PTK2B: variants seen among roughly 807,000 people sequenced by gnomAD.
PTK2B encodes the protein protein tyrosine kinase 2 beta.
Under a neutral mutation model 142.9 loss-of-function variants are expected in PTK2B, and 71 were observed. The ratio of observed to expected loss-of-function variants is 0.50; its 90% CI spans 0.41 to 0.61. The LOEUF is 0.61. Among genes scored for constraint, PTK2B ranks in the 20% least tolerant of loss-of-function variants. The probability of loss-of-function intolerance (pLI) is 0.00; values close to 1 mark genes in which losing one functional copy is unlikely to be tolerated. For missense variants in PTK2B, 1,105 were observed against 1,320.4 expected (o/e 0.84, Z 2.53); for synonymous variants, 519 against 503.4 (o/e 1.03, Z -0.42).
chr8:27,333,016 C>A (rs909341908), intron 1 of PTK2B, among the ~76,000 whole-genome samples: 2 of 152,196 alleles, frequency 1.3e-5, no homozygotes, highest in African/African-American at 4.8e-5. Flanking sequence ...AAAAGAGGCA[C>A]GAAGTGCTAT....
At chr8:27,420,324 G>A (rs1011859952) in intron 3 of PTK2B, among the ~76,000 whole-genome samples, 2 of 152,018 alleles carry the variant, frequency 1.3e-5, no homozygotes, top group Non-Finnish European at 2.9e-5. Context: ...GACAGTGCTA[G>A]GGGAAAAGAG....
At chr8:27,366,730 A>G (rs757445129) in intron 1 of PTK2B, among the ~76,000 whole-genome samples, 22 of 152,172 alleles carry the variant, frequency 1.4e-4, no homozygotes, top group Admixed American at 2.6e-4. Context: ...TTCTGAGCAC[A>G]CACAACAGAG....
intron 24 of PTK2B, among the ~76,000 whole-genome samples, chr8:27,447,866 A>G (rs1469563419): frequency 6.6e-6 from 1 of 152,224 alleles, no homozygotes; most frequent in Non-Finnish European, 1.5e-5. Flanking sequence ...CTCAAAAATA[A>G]AAATAAATAA....
Position 27,374,784 on chromosome 8 carries a change from C to T in PTK2B, c.-37-22764C>T, listed in dbSNP as rs548927124. Among the ~76,000 whole-genome samples the T allele has an allele frequency of 2.6e-5, 4 of 152,304 alleles. No homozygotes were observed. In the East Asian group the frequency reaches 7.7e-4, roughly 29 times the overall value. Reference sequence around the variant, plus strand: ...GGGTCAGTGGGGCCCCATGTCAAAGCATCAAATGTAGAAACCAGAAAACGT... The same window carrying T: ...GGGTCAGTGGGGCCCCATGTCAAAGTATCAAATGTAGAAACCAGAAAACGT... On this transcript the variant is annotated intron_variant, in intron 1 of 30. Coordinates refer to ENST00000346049, the MANE Select transcript of PTK2B (RefSeq NM_173176.3).
At chr8:27,366,409 G>C (rs1028465352) in intron 1 of PTK2B, among the ~76,000 whole-genome samples, 4 of 152,226 alleles carry the variant, frequency 2.6e-5, no homozygotes, top group African/African-American at 9.6e-5. Flanking sequence ...GCGACATCCA[G>C]CTTCTAGATT....
At chr8:27,331,459 G>T (rs1036740514) in intron 1 of PTK2B, among the ~76,000 whole-genome samples, 7 of 103,602 alleles carry the variant, frequency 6.8e-5, no homozygotes, top group East Asian at 4.3e-4. Context: ...TCATTTTCTG[G>T]TTTTTTTTTT....
chr8:27,440,429 T>C lies in PTK2B; in HGVS notation c.2027T>C (p.Val676Ala), dbSNP rs1283760480. ...PSDRPRFTEL[V>A]CSLSDVYQME... ...GACCGGCCCCGCTTCACCGAGCTGG[T>C]GTGCAGCCTCAGGTGAGCATGGAGT... Residue 676 changes from valine to alanine, a missense_variant, in exon 21 of 31, where the codon GTG becomes GCG. Coordinates refer to ENST00000346049, the MANE Select transcript of PTK2B (RefSeq NM_173176.3). 1 of 1,613,642 alleles carries C rather than the reference T, an allele frequency of 6.2e-7. No individual in the cohort carries two copies. Among genetic ancestry groups the C allele is most frequent in the African/African-American group, 1.3e-5 (1 of 74,902 alleles).
At chr8:27,453,369 A>G (rs1009929070) in intron 28 of PTK2B, among the ~76,000 whole-genome samples, 3 of 152,082 alleles carry the variant, frequency 2.0e-5, no homozygotes, top group Non-Finnish European at 4.4e-5. Flanking sequence ...GGAAGAACCA[A>G]TCTCCCACTC....
intron 2 of PTK2B, among the ~76,000 whole-genome samples, chr8:27,312,858 C>G (rs909584154): frequency 6.6e-6 from 1 of 152,148 alleles, no homozygotes; most frequent in Non-Finnish European, 1.5e-5. Context: ...CATAAGAGCC[C>G]GATTCCAGAG....
At chr8:27,441,192 G>A (rs1432829342) in intron 21 of PTK2B, among the ~76,000 whole-genome samples, 2 of 152,140 alleles carry the variant, frequency 1.3e-5, no homozygotes, top group African/African-American at 2.4e-5. Flanking sequence ...ACAATACATC[G>A]ATGAATGGGT....
In PTK2B at chr8:27,445,006, T is replaced by G. The variant is rs138806061; in HGVS notation, c.2214+735T>G. 2.3e-3 allele frequency among the ~76,000 whole-genome samples: 354 copies of G among 152,058 alleles called. 1 individual carries two copies. The highest frequency in any genetic ancestry group is 8.1e-3 in the African/African-American group (336 of 41,434). On this transcript the variant is annotated intron_variant, in intron 23 of 30. Coordinates refer to ENST00000346049, the MANE Select transcript of PTK2B (RefSeq NM_173176.3). ...GACTAATAGATAAATCCTCTTCACG[T>G]GAAGAGAAAGCCTGATTCAGAAGAT... is the stretch of plus-strand genomic sequence containing the variant.
intron 1 of PTK2B, among the ~76,000 whole-genome samples, chr8:27,358,936 C>T (rs2130716348): frequency 6.6e-6 from 1 of 152,204 alleles, no homozygotes; most frequent in Admixed American, 6.5e-5. Context: ...ATCCTCCTTA[C>T]CAAATTGGAA....
chr8:27,454,049 A>G (rs947591389), intron 28 of PTK2B, 105 bp from the exon 29 acceptor site: 35 of 1,464,470 alleles, frequency 2.4e-5, no homozygotes, highest in African/African-American at 2.0e-4. Flanking sequence ...GTCCTTTCCA[A>G]TCGGGCTGGT....
intron 3 of PTK2B, among the ~76,000 whole-genome samples, chr8:27,320,286 C>A (rs899307691): frequency 3.7e-4 from 56 of 152,162 alleles, no homozygotes; most frequent in African/African-American, 1.4e-3. Context: ...AGACAAGGAC[C>A]CCGTCTTTAG....
chr8:27,440,495 G>C, intron 21 of PTK2B, 54 bp downstream of exon 21: 2 of 1,565,084 alleles, frequency 1.3e-6, no homozygotes, highest in South Asian at 1.1e-5. Flanking sequence ...GCACCAGGGA[G>C]CAAGACCAGC....
rs144425307 is a variant in PTK2B at position 27,411,671 on chromosome 8, G to T, written c.205-8224G>T. Among the ~76,000 whole-genome samples, 181 of 152,276 alleles carry T rather than the reference G, an allele frequency of 1.2e-3. 1 individual carries two copies. Among genetic ancestry groups the T allele is most frequent in the African/African-American group, 4.3e-3 (178 of 41,538 alleles). ...TGACTCCAAAGTTAGAGCTCTATCT[G>T]TGTCACTCATGGTCAAAAACCTTGT... On this transcript the variant is annotated intron_variant, in intron 2 of 30. Transcript: ENST00000346049.
At chr8:27,341,463 T>C (rs1459565464) in intron 1 of PTK2B, among the ~76,000 whole-genome samples, 1 of 152,166 alleles carries the variant, frequency 6.6e-6, no homozygotes, top group Non-Finnish European at 1.5e-5. Context: ...GAGATTCAGA[T>C]AAGAACAAGA....
chr8:27,346,300 C>G (rs779007390), intron 1 of PTK2B, among the ~76,000 whole-genome samples: 2 of 152,110 alleles, frequency 1.3e-5, no homozygotes, highest in African/African-American at 4.8e-5. Flanking sequence ...ACTTGGGAGG[C>G]TGAGGTAGGC....
At chr8:27,389,303 A>G (rs1346140657) in intron 1 of PTK2B, among the ~76,000 whole-genome samples, 1 of 152,112 alleles carries the variant, frequency 6.6e-6, no homozygotes, top group African/African-American at 2.4e-5. Context: ...GAAGGAAGGA[A>G]AGAAGGAAGG....
Sources: gnomAD v4.1 joint callset for allele counts (sites outside exome capture counted in the v4.1 genomes callset) on GRCh38, gnomAD v4.1.1 for gene constraint, MANE v1.5 for transcripts, NCBI Gene and HGNC (gene_info 2026-07-23, HGNC 2026-07-21) for gene names.